Variants in PIK3CB observed in about 807,000 individuals in gnomAD.
PIK3CB encodes the protein phosphatidylinositol 4,5-bisphosphate 3-kinase catalytic subunit beta isoform.
PIK3CB carries 39 observed loss-of-function variants against 136.8 expected under a neutral mutation model. The ratio of observed to expected loss-of-function variants is 0.29; its 90% confidence interval spans 0.22 to 0.37. The LOEUF (loss-of-function observed/expected upper bound fraction) is 0.37, where lower values mean the gene tolerates loss of function less well. PIK3CB is among the 10% of genes least tolerant of loss of function. PIK3CB has a pLI of 1.00. For synonymous variants in PIK3CB, 428 were observed against 436.6 expected (o/e 0.98, Z 0.25); for missense variants, 868 against 1,275.4 (o/e 0.68, Z 4.87).
chr3:138,805,772 C>T (rs954414126), intron 1 of PIK3CB, among the ~76,000 whole-genome samples: 10 of 151,572 alleles, frequency 6.6e-5, no homozygotes, highest in African/African-American at 2.4e-5. Context: ...GCTCTGTCAC[C>T]AGGCTGGAGT....
chr3:138,714,618 T>C lies in PIK3CB; in HGVS notation c.1152A>G (p.Pro384=), dbSNP rs201635028. ...CACAAATATTAATATCAAATTCCAG[T>C]GGTTCATTCCAAATATGATCATTTT... ...SGKNDHIWNE[P]LEFDINICDL... The change falls in exon 9 of 24, where the codon CCA becomes CCG. Residue 384 remains proline (P), a synonymous_variant. Transcript: ENST00000674063. The C allele has an allele frequency of 6.2e-7, 1 of 1,613,356 alleles. No individual in the cohort carries two copies. The highest frequency in any genetic ancestry group is 1.3e-5 in the African/African-American group (1 of 75,026).
At chr3:138,758,412 A>G (rs187088368) in intron 3 of PIK3CB, among the ~76,000 whole-genome samples, 91 of 152,372 alleles carry the variant, frequency 6.0e-4, no homozygotes, top group African/African-American at 2.0e-3. Flanking sequence ...AAAAAGAGAT[A>G]AATGGTTAAT....
chr3:138,807,990 A>T (rs2046252814), intron 1 of PIK3CB, among the ~76,000 whole-genome samples: 1 of 151,440 alleles, frequency 6.6e-6, no homozygotes, highest in African/African-American at 2.4e-5. Context: ...GGTTTTTTTT[A>T]AAAACACAAT....
At chr3:138,742,504 G>T in intron 5 of PIK3CB, 54 bp downstream of exon 5, 2 of 842,080 alleles carry the variant, frequency 2.4e-6, no homozygotes, top group South Asian at 1.7e-5. Context: ...AGTTGTATTC[G>T]GGTAAAAATG....
chr3:138,741,632 T>C (rs1000151120), intron 5 of PIK3CB, among the ~76,000 whole-genome samples: 5 of 151,996 alleles, frequency 3.3e-5, no homozygotes, highest in African/African-American at 4.8e-5. Context: ...AGTTTGAGAC[T>C]AGCCTGCCAA....
chr3:138,751,550 TAA>T (rs1157423202), intron 4 of PIK3CB, among the ~76,000 whole-genome samples: 1 of 152,150 alleles, frequency 6.6e-6, no homozygotes, highest in Non-Finnish European at 1.5e-5. Flanking sequence ...TACCTTCTTC[TAA>T]GAGAATCTAA....
chr3:138,791,267 C>T (rs1346523807), intron 2 of PIK3CB, among the ~76,000 whole-genome samples: 1 of 151,856 alleles, frequency 6.6e-6, no homozygotes, highest in Non-Finnish European at 1.5e-5. Flanking sequence ...CTCAGTCTCT[C>T]GAGTAGCTGG....
intron 1 of PIK3CB, among the ~76,000 whole-genome samples, chr3:138,830,903 A>AAATAATAATAATAAT (rs373908245): frequency 5.1e-5 from 7 of 136,968 alleles, no homozygotes; most frequent in South Asian, 2.3e-4. Flanking sequence ...CTCCGTCTCA[A>AAATAATAATAATAAT]AATAATAATA....
chr3:138,699,544 TA>T (rs1360307867), intron 12 of PIK3CB, among the ~76,000 whole-genome samples: 2 of 151,688 alleles, frequency 1.3e-5, no homozygotes, highest in Non-Finnish European at 2.9e-5. Flanking sequence ...AGAAGACAGT[TA>T]TAAGACTAGA....
At chr3:138,765,117 C>T (rs1279810829) in intron 2 of PIK3CB, among the ~76,000 whole-genome samples, 3 of 152,266 alleles carry the variant, frequency 2.0e-5, no homozygotes, top group Non-Finnish European at 4.4e-5. Flanking sequence ...GTCAGGAGTT[C>T]GAGACCAGCC....
chr3:138,660,766 C>T (rs967620725), intron 21 of PIK3CB, among the ~76,000 whole-genome samples: 1 of 152,094 alleles, frequency 6.6e-6, no homozygotes, highest in Non-Finnish European at 1.5e-5. Flanking sequence ...TTATCAAGTC[C>T]ACAATGAAGA....
chr3:138,821,994 TACA>T (rs1311540626), intron 1 of PIK3CB, among the ~76,000 whole-genome samples: 4 of 151,348 alleles, frequency 2.6e-5, no homozygotes, highest in South Asian at 4.2e-4. Context: ...CCATGAAAAA[TACA>T]ACAAGTAGCC....
At chr3:138,726,667 T>C (rs2044844501) in intron 8 of PIK3CB, among the ~76,000 whole-genome samples, 1 of 152,162 alleles carries the variant, frequency 6.6e-6, no homozygotes, top group Admixed American at 6.5e-5. Context: ...CTATAAATAA[T>C]GTCATCTTCT....
intron 1 of PIK3CB, chr3:138,825,269 G>T: frequency 2.4e-6 from 1 of 412,634 alleles, no homozygotes; most frequent in Non-Finnish European, 4.4e-6. Context: ...GGACATCTCA[G>T]GCTGACTGTG....
chr3:138,831,328 C>G (rs1209537606), intron 1 of PIK3CB, among the ~76,000 whole-genome samples: 1 of 151,490 alleles, frequency 6.6e-6, no homozygotes. Flanking sequence ...CGCAGTGGCT[C>G]ACGCCTGTAA....
intron 14 of PIK3CB, among the ~76,000 whole-genome samples, chr3:138,694,154 C>T (rs368761490): frequency 6.6e-6 from 1 of 151,160 alleles, no homozygotes; most frequent in South Asian, 2.1e-4. Context: ...TCAGGATTCC[C>T]ACCACCCTCC....
intron 17 of PIK3CB, among the ~76,000 whole-genome samples, chr3:138,684,417 A>T (rs1433419617): frequency 6.6e-6 from 1 of 152,270 alleles, no homozygotes; most frequent in Admixed American, 6.5e-5. Flanking sequence ...TTCATTTGTA[A>T]TAACTTTCAC....
chr3:138,674,944 A>G lies in PIK3CB; in HGVS notation c.2504+7023T>C, dbSNP rs2043613131. ...TGTAGTGGCCGCTTGTCATTATCCCAGCTACTTGGGAGGCTGAGGTGGAGA... is the reference window on the plus strand; with the variant it reads ...TGTAGTGGCCGCTTGTCATTATCCCGGCTACTTGGGAGGCTGAGGTGGAGA... On this transcript the variant is annotated intron_variant, in intron 19 of 23. Transcript: ENST00000674063. Among the ~76,000 whole-genome samples, 5 of 152,168 alleles carry G rather than the reference A, an allele frequency of 3.3e-5. No homozygotes were observed. The South Asian group carries it at 6.2e-4, about 19-fold the overall frequency.
chr3:138,798,520 A>G (rs2108834442), intron 1 of PIK3CB, among the ~76,000 whole-genome samples: 1 of 152,270 alleles, frequency 6.6e-6, no homozygotes, highest in South Asian at 2.1e-4. Flanking sequence ...AGGTTACATG[A>G]GAAATTGAAC....
Sources: gnomAD v4.1 joint callset for allele counts (sites outside exome capture counted in the v4.1 genomes callset) on GRCh38, gnomAD v4.1.1 for gene constraint, MANE v1.5 for transcripts, NCBI Gene and HGNC (gene_info 2026-07-23, HGNC 2026-07-21) for gene names.